Variants in SLC5A4 observed in about 807,000 individuals in gnomAD.
The protein encoded by SLC5A4 is probable glucose sensor protein SLC5A4.
In SLC5A4, 55 loss-of-function variants were observed where a neutral mutation model predicts 70.3. The observed-to-expected ratio is 0.78, with a 90% CI of 0.63 to 0.98. The LOEUF is 0.98. Among genes scored for constraint, SLC5A4 ranks in the 50% least tolerant of loss-of-function variants. The probability of loss-of-function intolerance (pLI) is 0.00; values close to 1 mark genes in which losing one functional copy is unlikely to be tolerated. For missense variants in SLC5A4, 735 were observed against 839.2 expected (o/e 0.88, Z 1.53); for synonymous variants, 268 against 305.7 (o/e 0.88, Z 1.29).
At chr22:32,222,437 T>A (rs1460536586) in intron 13 of SLC5A4, among the ~76,000 whole-genome samples, 1 of 152,234 alleles carries the variant, frequency 6.6e-6, no homozygotes, top group Non-Finnish European at 1.5e-5. Flanking sequence ...ATGATATTTA[T>A]CAGTCTATTT....
At chr22:32,269,960 T>C in the SLC5A4 span, 1 of 527,226 alleles carries the variant, frequency 1.9e-6, no homozygotes. The surrounding 1 kb of genome is among the most constrained non-coding windows in gnomAD (Gnocchi z 4.1). Flanking sequence ...TACCTGTTCC[T>C]GAGTTCTTGC....
the SLC5A4 span, among the ~76,000 whole-genome samples, chr22:32,289,383 T>C: frequency 1.3e-5 from 2 of 152,164 alleles, no homozygotes; most frequent in Non-Finnish European, 2.9e-5. Flanking sequence ...CAGGTGGAGA[T>C]AATTGAATCA....
the SLC5A4 span, among the ~76,000 whole-genome samples, chr22:32,347,199 G>C: frequency 6.6e-6 from 1 of 152,132 alleles, no homozygotes; most frequent in African/African-American, 2.4e-5. Context: ...AAAAAGTCAG[G>C]AAACAACAGG....
At chr22:32,257,654 GT>G (rs1387025188), upstream of SLC5A4, among the ~76,000 whole-genome samples, 1 of 115,624 alleles carries the variant, frequency 8.6e-6, no homozygotes, top group African/African-American at 4.9e-5. Context: ...ACCCAGCAAG[GT>G]TTTCTTTTTT....
chr22:32,301,654 A>C, the SLC5A4 span, among the ~76,000 whole-genome samples: 2 of 152,184 alleles, frequency 1.3e-5, no homozygotes, highest in African/African-American at 4.8e-5. Context: ...ATTTGCAAAA[A>C]CTGACAAGCT....
At chr22:32,221,695 C>G (rs1336920648) in intron 13 of SLC5A4, among the ~76,000 whole-genome samples, 1 of 152,014 alleles carries the variant, frequency 6.6e-6, no homozygotes, top group African/African-American at 2.4e-5. Context: ...AAGTAAATAT[C>G]AGCCCTGGGT....
At chr22:32,298,233 T>C in the SLC5A4 span, among the ~76,000 whole-genome samples, 1 of 134,410 alleles carries the variant, frequency 7.4e-6, no homozygotes, top group Non-Finnish European at 1.6e-5. Context: ...CTCGTTGATC[T>C]GTCTAATGTT....
At chr22:32,317,285 G>A in the SLC5A4 span, among the ~76,000 whole-genome samples, 3 of 151,988 alleles carry the variant, frequency 2.0e-5, no homozygotes, top group African/African-American at 4.8e-5. Context: ...AACATATATA[G>A]CCTTAAAACA....
chr22:32,298,430 A>T, the SLC5A4 span, among the ~76,000 whole-genome samples: 1 of 123,986 alleles, frequency 8.1e-6, no homozygotes, highest in Non-Finnish European at 1.7e-5. Flanking sequence ...GTCTCTTTTG[A>T]TCTTTGTTGG....
chr22:32,242,015 C>T (rs1004451268), intron 5 of SLC5A4, among the ~76,000 whole-genome samples: 5 of 151,578 alleles, frequency 3.3e-5, no homozygotes, highest in African/African-American at 1.2e-4. Flanking sequence ...TTAGTGTGAA[C>T]TCATGATTTC....
the SLC5A4 span, among the ~76,000 whole-genome samples, chr22:32,319,182 C>T: frequency 6.6e-6 from 1 of 152,068 alleles, no homozygotes; most frequent in Non-Finnish European, 1.5e-5. Flanking sequence ...AGGCCCTTGA[C>T]TCATAGTGGA....
At chr22:32,223,435 A>G (rs1015484503) in intron 13 of SLC5A4, among the ~76,000 whole-genome samples, 1 of 152,220 alleles carries the variant, frequency 6.6e-6, no homozygotes, top group African/African-American at 2.4e-5. Flanking sequence ...TTCCCACAAC[A>G]CTAATATCAA....
the SLC5A4 span, among the ~76,000 whole-genome samples, chr22:32,352,049 A>C: frequency 6.6e-6 from 1 of 152,034 alleles, no homozygotes; most frequent in African/African-American, 2.4e-5. Context: ...AAGTCCAAGA[A>C]AATGTGGCAC....
At chr22:32,246,153 A>G (rs527754180) in intron 5 of SLC5A4, among the ~76,000 whole-genome samples, 34 of 152,358 alleles carry the variant, frequency 2.2e-4, no homozygotes, top group Non-Finnish European at 3.7e-4. Context: ...TCATGTGCAG[A>G]ATTCTTATTT....
In SLC5A4 at chr22:32,248,819, T is replaced by G; in HGVS notation, c.313-17A>C. On this transcript the variant is annotated splice_polypyrimidine_tract_variant and intron_variant, in intron 3 of 14. Transcript: ENST00000266086. Reference sequence around the variant, plus strand: ...TACTGAGGACTACAAGGAACCAAAATAAGAGACAGTGAGACATTAAAGAGG... The same window carrying G: ...TACTGAGGACTACAAGGAACCAAAAGAAGAGACAGTGAGACATTAAAGAGG... 1.9e-6 allele frequency: 3 copies of G among 1,572,622 alleles called. No individual in the cohort carries two copies. Among genetic ancestry groups the G allele is most frequent in the Non-Finnish European group, 2.6e-6 (3 of 1,142,250 alleles).
the SLC5A4 span, among the ~76,000 whole-genome samples, chr22:32,312,699 G>A: frequency 6.6e-6 from 1 of 151,956 alleles, no homozygotes; most frequent in Non-Finnish European, 1.5e-5. Flanking sequence ...GGCACAGGCA[G>A]CATTCCCTTC....
the SLC5A4 span, among the ~76,000 whole-genome samples, chr22:32,283,047 C>G: frequency 6.6e-6 from 1 of 152,228 alleles, no homozygotes; most frequent in Non-Finnish European, 1.5e-5. Context: ...ACCTGAAATG[C>G]AAGCCAGCGT....
the SLC5A4 span, among the ~76,000 whole-genome samples, chr22:32,352,794 C>T: frequency 2.0e-5 from 3 of 152,350 alleles, no homozygotes; most frequent in East Asian, 5.8e-4. Context: ...AACACCTGAC[C>T]ACTGCACTGC....
the SLC5A4 span, among the ~76,000 whole-genome samples, chr22:32,347,418 T>C: frequency 6.6e-6 from 1 of 152,130 alleles, no homozygotes; most frequent in Admixed American, 6.5e-5. Flanking sequence ...ATGTTTATTG[T>C]GGCACTATTA....
Sources: gnomAD v4.1 joint callset for allele counts (sites outside exome capture counted in the v4.1 genomes callset) on GRCh38, gnomAD v4.1.1 for gene constraint, Gnocchi (gnomAD v3.1) non-coding constraint, MANE v1.5 for transcripts, NCBI Gene and HGNC (gene_info 2026-07-23, HGNC 2026-07-21) for gene names.